SLC2A1: variants seen among roughly 807,000 people sequenced by gnomAD.
SLC2A1 encodes solute carrier family 2, facilitated glucose transporter member 1.
Under a neutral mutation model 46.6 loss-of-function variants are expected in SLC2A1, and 4 were observed. The observed-to-expected ratio is 0.09, with a 90% confidence interval of 0.04 to 0.20. The LOEUF is 0.20. Ranked by LOEUF, SLC2A1 falls within the 10% of genes least tolerant of loss-of-function variation. The pLI is 1.00. For missense variants in SLC2A1, 352 were observed against 667.0 expected, an observed-to-expected ratio of 0.53 and a Z score of 5.20; for synonymous variants, 253 against 270.0, an observed-to-expected ratio of 0.94 and a Z score of 0.62.
intron 1 of SLC2A1, among the ~76,000 whole-genome samples, chr1:42,948,715 G>A (rs1643686559): frequency 6.6e-6 from 1 of 152,006 alleles, no homozygotes. Context: ...GATTGGTTAA[G>A]GCCAGGAGTT....
rs1643433538 is a variant in SLC2A1 at position 42,927,003 on chromosome 1, G to A, written c.*38C>T. 1 of 1,607,806 alleles carries A rather than the reference G, an allele frequency of 6.2e-7. No individual in the cohort carries two copies. Among genetic ancestry groups the A allele is most frequent in the Non-Finnish European group, 8.5e-7 (1 of 1,175,448 alleles). ...CCTGTGCTCCTGAGAGATCCTTAGG[G>A]CTGCTGGGAGCAGGCCGGGCTGGTG... On this transcript the variant is annotated 3_prime_UTR_variant, in exon 10 of 10. Coordinates refer to ENST00000426263, the MANE Select transcript of SLC2A1 (RefSeq NM_006516.4). This position sits in a 1 kb window ranked among gnomAD's most constrained non-coding sequence, Gnocchi z 5.3.
chr1:42,927,031 C>T lies in SLC2A1; in HGVS notation c.*10G>A. The stretch of plus-strand genomic sequence containing the variant: ...GCTGGGAGCAGGCCGGGCTGGTGAT[C>T]TGGGGCGACTCACACTTGGGAATCA... On this transcript the variant is annotated 3_prime_UTR_variant, in exon 10 of 10. Transcript: ENST00000426263. This position sits in a 1 kb window ranked among gnomAD's most constrained non-coding sequence, Gnocchi z 5.3. 1 of 1,612,920 alleles carries T rather than the reference C, an allele frequency of 6.2e-7. No homozygotes were observed. The highest frequency in any genetic ancestry group is 8.5e-7 in the Non-Finnish European group (1 of 1,178,998).
rs976360627 is a variant in SLC2A1, at chr1:42,928,000, G to C, written c.1075-192C>G. On this transcript the variant is annotated intron_variant, in intron 8 of 9. Transcript: ENST00000426263. This position sits in a 1 kb window ranked among gnomAD's most constrained non-coding sequence, Gnocchi z 5.3. ...GAACAAAATGATTTAAGTCCTGCAGGGTGGCTGCAAGTGTTGAGTCCACCC... is the reference window on the plus strand; with the variant it reads ...GAACAAAATGATTTAAGTCCTGCAGCGTGGCTGCAAGTGTTGAGTCCACCC... Among the ~76,000 whole-genome samples the C allele has an allele frequency of 1.3e-5, 2 of 152,194 alleles. No homozygotes were observed. The highest frequency in any genetic ancestry group is 4.8e-5 in the African/African-American group (2 of 41,438).
At chr1:42,952,400 G>A in intron 1 of SLC2A1, 1 of 481,698 alleles carries the variant, frequency 2.1e-6, no homozygotes, top group Non-Finnish European at 4.1e-6. Context: ...CGTAGAGGCT[G>A]ATGCAGTCGA....
chr1:42,951,677 T>A (rs539142364), intron 1 of SLC2A1: 22 of 396,518 alleles, frequency 5.5e-5, no homozygotes, highest in Non-Finnish European at 8.9e-5. Context: ...AGCTTTTTTT[T>A]AATCCAATTT....
intron 1 of SLC2A1, among the ~76,000 whole-genome samples, chr1:42,945,351 C>T (rs1369556445): frequency 6.6e-6 from 1 of 151,794 alleles, no homozygotes; most frequent in Non-Finnish European, 1.5e-5. Context: ...GCCTGGGTGA[C>T]AGAGTGAGAC....
chr1:42,953,718 A>T (rs1232238716), intron 1 of SLC2A1, among the ~76,000 whole-genome samples: 2 of 152,198 alleles, frequency 1.3e-5, no homozygotes, highest in Non-Finnish European at 1.5e-5. Context: ...CTCTGGGCCG[A>T]CACCCCGTGA....
At chr1:42,931,690 G>C (rs1055083051) in intron 2 of SLC2A1, among the ~76,000 whole-genome samples, 2 of 151,988 alleles carry the variant, frequency 1.3e-5, no homozygotes, top group African/African-American at 2.4e-5. Context: ...TTAGCTGGAC[G>C]TGGTGGCGCA....
chr1:42,929,036 G>A lies in SLC2A1; in HGVS notation c.973-3C>T. The A allele has an allele frequency of 6.2e-7, 1 of 1,612,962 alleles. No homozygotes were observed. Among genetic ancestry groups the A allele is most frequent in the South Asian group, 1.1e-5 (1 of 91,082 alleles). On this transcript the variant is annotated splice_region_variant and splice_polypyrimidine_tract_variant and intron_variant, in intron 7 of 9. Transcript: ENST00000426263. This position sits in a 1 kb window ranked among gnomAD's most constrained non-coding sequence, Gnocchi z 6.0. Reference sequence around the variant, plus strand: ...CCTGCTCGCTCCACCACAAACAGCTGTGGGCAGAGACAGTGTCAGTGCCAC... The same window carrying A: ...CCTGCTCGCTCCACCACAAACAGCTATGGGCAGAGACAGTGTCAGTGCCAC...
At chr1:42,938,381 T>G (rs1043085360) in intron 2 of SLC2A1, among the ~76,000 whole-genome samples, 3 of 152,222 alleles carry the variant, frequency 2.0e-5, no homozygotes, top group African/African-American at 7.2e-5. Context: ...CTCATCTGGC[T>G]TCAGTTCCCT....
rs1176620731 is a variant in SLC2A1 at position 42,954,909 on chromosome 1, G to A, written c.18+3725C>T. Among the ~76,000 whole-genome samples, 2 of 152,212 alleles carry A rather than the reference G, an allele frequency of 1.3e-5. No individual in the cohort carries two copies. The highest frequency in any genetic ancestry group is 2.9e-5 in the Non-Finnish European group (2 of 68,040). ...TAGGCAGGAAGCCTAAGGCAAAAAA[G>A]CAAAGCAAAGAAGCCCAAAGCAGCG... On this transcript the variant is annotated intron_variant, in intron 1 of 9. Coordinates refer to ENST00000426263, the MANE Select transcript of SLC2A1 (RefSeq NM_006516.4). The surrounding 1 kb of genome is among the most constrained non-coding windows in gnomAD (Gnocchi z 4.2).
intron 1 of SLC2A1, among the ~76,000 whole-genome samples, chr1:42,950,937 T>C (rs574805698): frequency 4.8e-4 from 73 of 152,262 alleles, no homozygotes; most frequent in African/African-American, 1.5e-3. Context: ...ATCGCGCCAT[T>C]GCACTCCAGC....
Position 42,943,247 on chromosome 1 carries a change from T to G in SLC2A1, c.93A>C (p.Gly31=). ...TCACCTTCTGGGGGGCATTGATGACTCCAGTGTTGTAGCCAAACTGCAGGG... is the reference window on the plus strand; with the variant it reads ...TCACCTTCTGGGGGGCATTGATGACGCCAGTGTTGTAGCCAAACTGCAGGG... ...LGSLQFGYNT[G]VINAPQKVIE... The change falls in exon 2 of 10, where the codon GGA becomes GGC. Residue 31 remains glycine, a synonymous_variant. Transcript: ENST00000426263. 6.2e-7 allele frequency: 1 copy of G among 1,613,412 alleles called. No homozygotes were observed. The highest frequency in any genetic ancestry group is 2.2e-5 in the East Asian group (1 of 44,874).
chr1:42,933,680 C>T (rs1322002426), intron 2 of SLC2A1, among the ~76,000 whole-genome samples: 1 of 152,072 alleles, frequency 6.6e-6, no homozygotes, highest in Non-Finnish European at 1.5e-5. Context: ...TTATCAGGCT[C>T]CACCAAGAAC....
chr1:42,940,365 G>A (rs543466487), intron 2 of SLC2A1, among the ~76,000 whole-genome samples: 37 of 152,292 alleles, frequency 2.4e-4, no homozygotes, highest in African/African-American at 8.9e-4. Context: ...TGGGGTACCC[G>A]ATGGCCTTCC....
rs71577684 is a variant in SLC2A1, at chr1:42,956,407, CAA to C, written c.18+2225_18+2226del. Among the ~76,000 whole-genome samples, 307 of 44,516 alleles carry C rather than the reference CAA, an allele frequency of 6.9e-3. 1 individual carries two copies. Among genetic ancestry groups the C allele is most frequent in the African/African-American group, 0.014 (129 of 9,494 alleles). The allele number at this position is 44,516 out of a possible 152,430, so 29.2% of individuals were successfully genotyped here. ...AGAAACCCCGTCTCTACTAAAACTA[CAA>C]AAAAAAAAAAAAAAAAAAAAAAAAC... is the stretch of plus-strand genomic sequence containing the variant. On this transcript the variant is annotated intron_variant, in intron 1 of 9. Coordinates refer to ENST00000426263, the MANE Select transcript of SLC2A1 (RefSeq NM_006516.4).
Position 42,954,521 on chromosome 1 carries a change from G to A in SLC2A1, c.18+4113C>T, listed in dbSNP as rs58352779. Among the ~76,000 whole-genome samples, 1,556 of 152,268 alleles carry A rather than the reference G, an allele frequency of 0.01. 28 individuals are homozygous for A. Among genetic ancestry groups the A allele is most frequent in the African/African-American group, 0.035 (1,438 of 41,542 alleles). ...GCCTGGGCAACAAGAGCGAAACTCCGTCTCAAAAATCAAAACAAAACACAG... is the reference window on the plus strand; with the variant it reads ...GCCTGGGCAACAAGAGCGAAACTCCATCTCAAAAATCAAAACAAAACACAG... On this transcript the variant is annotated intron_variant, in intron 1 of 9. Transcript: ENST00000426263. The surrounding 1 kb of genome is among the most constrained non-coding windows in gnomAD (Gnocchi z 4.2).
At chr1:42,938,038 G>T (rs1377358758) in intron 2 of SLC2A1, among the ~76,000 whole-genome samples, 1 of 152,180 alleles carries the variant, frequency 6.6e-6, no homozygotes, top group Non-Finnish European at 1.5e-5. Context: ...TTCTGAGGAT[G>T]CCTTATTCTC....
chr1:42,927,510 C>T lies in SLC2A1; in HGVS notation c.1278+95G>A. On this transcript the variant is annotated intron_variant, in intron 9 of 9. Transcript: ENST00000426263. This position sits in a 1 kb window ranked among gnomAD's most constrained non-coding sequence, Gnocchi z 5.3. ...GGCTTCCTACCCTCAGTTTCCTCCT[C>T]AGCATGATTCCTAATGAGAATGCTG... 2 of 1,268,142 alleles carry T rather than the reference C, an allele frequency of 1.6e-6. No individual in the cohort carries two copies. The highest frequency in any genetic ancestry group is 1.3e-5 in the South Asian group (1 of 79,886). The allele number at this position is 1,268,142 out of a possible 1,614,324, so 78.6% of individuals were successfully genotyped here.
Sources: allele counts gnomAD v4.1 joint callset (sites outside exome capture counted in the v4.1 genomes callset), GRCh38; gene constraint gnomAD v4.1.1; non-coding constraint Gnocchi (gnomAD v3.1); transcripts MANE v1.5; gene names NCBI Gene and HGNC (gene_info 2026-07-23, HGNC 2026-07-21).